Variants in NECTIN2 observed in about 807,000 individuals in gnomAD.
NECTIN2 encodes the protein nectin-2.
In NECTIN2, 23 loss-of-function variants were observed where a neutral mutation model predicts 56.9. That is an observed-to-expected ratio of 0.40 (90% CI 0.29 to 0.57). The LOEUF is 0.57. Ranked by LOEUF, NECTIN2 falls within the 20% of genes least tolerant of loss-of-function variation. The probability of loss-of-function intolerance (pLI) is 0.38; values close to 1 mark genes in which losing one functional copy is unlikely to be tolerated. For missense variants in NECTIN2, 587 were observed against 718.3 expected, an observed-to-expected ratio of 0.82 and a Z score of 2.09; for synonymous variants, 302 against 313.8, an observed-to-expected ratio of 0.96 and a Z score of 0.40.
intron 5 of NECTIN2, among the ~76,000 whole-genome samples, chr19:44,877,177 A>G (rs138251530): frequency 1.4e-3 from 207 of 152,304 alleles, no homozygotes; most frequent in African/African-American, 4.8e-3. Context: ...TGAAAACAAC[A>G]GAAACAGATG....
chr19:44,881,276 G>C (rs988041697), intron 5 of NECTIN2, among the ~76,000 whole-genome samples: 2 of 152,044 alleles, frequency 1.3e-5, no homozygotes, highest in Non-Finnish European at 2.9e-5. Context: ...CCAGAATTCT[G>C]TCCCCGCATT....
intron 5 of NECTIN2, chr19:44,878,748 C>T: frequency 6.9e-7 from 1 of 1,452,178 alleles, no homozygotes. Context: ...CTGCCTCCCA[C>T]TTTCTTGGGA....
rs886393983 is a variant in NECTIN2, at chr19:44,874,754, C to T, written c.1042+276C>T. The T allele has an allele frequency of 1.0e-5, 4 of 398,574 alleles. No individual in the cohort carries two copies. The highest frequency in any genetic ancestry group is 1.9e-5 in the Non-Finnish European group (4 of 212,254). The allele number at this position is 398,574 out of a possible 1,614,324, so 24.7% of individuals were successfully genotyped here. ...AGTAGAGGCCTGGGTAGGGTCCTCA[C>T]GAATAGACCCGAGGAAGCTGCCCTG... On this transcript the variant is annotated intron_variant, in intron 5 of 8. Transcript: ENST00000252483. This position sits in a 1 kb window ranked among gnomAD's most constrained non-coding sequence, Gnocchi z 6.3.
rs1360142729 is a variant in NECTIN2 at position 44,886,138 on chromosome 19, C to T, written c.1266C>T (p.Ser422=). ...KAKLEAQEMP[S]QLFTLGASEH... ...CCGCCCCTCTCCCACTACAGCCCTC[C>T]CAGCTCTTCACTCTGGGGGCCTCGG... Residue 422 remains serine, a synonymous_variant, in exon 8 of 9, where the codon TCC becomes TCT. Coordinates refer to ENST00000252483, the MANE Select transcript of NECTIN2 (RefSeq NM_001042724.2). 2 of 1,612,752 alleles carry T rather than the reference C, an allele frequency of 1.2e-6. No homozygotes were observed. Among genetic ancestry groups the T allele is most frequent in the African/African-American group, 1.3e-5 (1 of 74,898 alleles).
In NECTIN2 at chr19:44,874,811, G is replaced by A. The variant is rs1969218694; in HGVS notation, c.1042+333G>A. The stretch of plus-strand genomic sequence containing the variant: ...AGCTCCTGAGAAAGACGCACACCTA[G>A]AGTCAGGCATGCAAACTTCAAAGAG... On this transcript the variant is annotated intron_variant, in intron 5 of 8. Transcript: ENST00000252483. This position sits in a 1 kb window ranked among gnomAD's most constrained non-coding sequence, Gnocchi z 6.3. 1 of 248,962 alleles carries A rather than the reference G, an allele frequency of 4.0e-6. No homozygotes were observed. The highest frequency in any genetic ancestry group is 8.1e-6 in the Non-Finnish European group (1 of 123,946). The allele number at this position is 248,962 out of a possible 1,614,324, so 15.4% of individuals were successfully genotyped here.
chr19:44,883,284 T>G (rs1047112592), intron 6 of NECTIN2, among the ~76,000 whole-genome samples: 137 of 152,130 alleles, frequency 9.0e-4, no homozygotes, highest in Admixed American at 1.5e-3. Flanking sequence ...TTTGTTTTTG[T>G]TTTTGTTTAA....
At chr19:44,883,431 C>G (rs140864055) in intron 6 of NECTIN2, among the ~76,000 whole-genome samples, 1 of 152,100 alleles carries the variant, frequency 6.6e-6, no homozygotes, top group African/African-American at 2.4e-5. Flanking sequence ...CGCGCCACCA[C>G]GCCCGGCTAA....
rs183569333 is a variant in NECTIN2, at chr19:44,876,984, C to T, written c.1042+2506C>T. On this transcript the variant is annotated intron_variant, in intron 5 of 8. Transcript: ENST00000252483. ...AGAGACAAGCCTCCCAAGATAGGCT[C>T]AACCTGGTCCAGTTAGTGACCAGCA... is the stretch of plus-strand genomic sequence containing the variant. 2.7e-3 allele frequency among the ~76,000 whole-genome samples: 413 copies of T among 152,282 alleles called. 3 individuals are homozygous for T. The highest frequency in any genetic ancestry group is 4.8e-3 in the Non-Finnish European group (327 of 68,018).
At chr19:44,877,329 T>C (rs1409991434) in intron 5 of NECTIN2, among the ~76,000 whole-genome samples, 1 of 152,118 alleles carries the variant, frequency 6.6e-6, no homozygotes, top group Non-Finnish European at 1.5e-5. Flanking sequence ...TCTGGTTACA[T>C]TGACTTCTGT....
chr19:44,884,423 C>T (rs968768225), intron 6 of NECTIN2, among the ~76,000 whole-genome samples: 6 of 151,956 alleles, frequency 3.9e-5, no homozygotes, highest in Non-Finnish European at 8.8e-5. Context: ...CCAAAGTGCT[C>T]GGATTACAGG....
chr19:44,885,638 A>C (rs896624576), intron 6 of NECTIN2, among the ~76,000 whole-genome samples: 3 of 151,968 alleles, frequency 2.0e-5, no homozygotes, highest in African/African-American at 7.2e-5. Flanking sequence ...TCCCTCCCAG[A>C]GCTCACAGTG....
At chr19:44,883,267 A>C (rs759561159) in intron 6 of NECTIN2, among the ~76,000 whole-genome samples, 2 of 152,062 alleles carry the variant, frequency 1.3e-5, no homozygotes, top group Non-Finnish European at 2.9e-5. Flanking sequence ...TAATCCCAGC[A>C]CTTTGTTTTG....
chr19:44,846,462 C>A lies in NECTIN2; in HGVS notation c.-64C>A. The A allele has an allele frequency of 7.2e-7, 1 of 1,396,726 alleles. No individual in the cohort carries two copies. The highest frequency in any genetic ancestry group is 9.2e-7 in the Non-Finnish European group (1 of 1,084,818). The allele number at this position is 1,396,726 out of a possible 1,614,324, so 86.5% of individuals were successfully genotyped here. A position where few individuals can be genotyped will look rare whatever the true frequency, so the allele number is the denominator to read the frequency against. On this transcript the variant is annotated 5_prime_UTR_variant, in exon 1 of 9. Transcript: ENST00000252483. ...ACAGGCACCTACTAAACCGCCCAGC[C>A]GATCGGCCCCCACAGAGTGGCCCGC...
At chr19:44,853,129 A>T (rs1455549976) in intron 1 of NECTIN2, among the ~76,000 whole-genome samples, 1 of 151,582 alleles carries the variant, frequency 6.6e-6, no homozygotes, top group Non-Finnish European at 1.5e-5. Context: ...AGGAATGTTA[A>T]CCCCACAGGG....
chr19:44,869,686 A>C (rs973630597), intron 2 of NECTIN2, among the ~76,000 whole-genome samples: 1 of 152,006 alleles, frequency 6.6e-6, no homozygotes, highest in African/African-American at 2.4e-5. Flanking sequence ...CATAGATTGA[A>C]GTTGCCCTGA....
intron 5 of NECTIN2, among the ~76,000 whole-genome samples, chr19:44,881,385 CT>C (rs1969305908): frequency 6.6e-6 from 1 of 152,084 alleles, no homozygotes; most frequent in South Asian, 2.1e-4. Flanking sequence ...ACTTGCTGTT[CT>C]TTAAAAACAA....
At chr19:44,853,653 TA>T (rs1968928918) in intron 1 of NECTIN2, among the ~76,000 whole-genome samples, 1 of 151,654 alleles carries the variant, frequency 6.6e-6, no homozygotes, top group Non-Finnish European at 1.5e-5. Flanking sequence ...CACGCCCGGC[TA>T]ATTTTTGTAT....
intron 8 of NECTIN2, among the ~76,000 whole-genome samples, chr19:44,886,519 G>A (rs142934707): frequency 0.016 from 2,417 of 151,988 alleles, 83 homozygotes; most frequent in Admixed American, 0.092. Flanking sequence ...TCAGGAGTTC[G>A]AGACCAGCCT....
chr19:44,888,429 T>C lies in NECTIN2; in HGVS notation c.*50T>C. Reference sequence around the variant, plus strand: ...ATCTCACCTGTTGATCCCTTAGCTTTCTTGCCAAGGATCTAGTGCCCCCTG... The same window carrying C: ...ATCTCACCTGTTGATCCCTTAGCTTCCTTGCCAAGGATCTAGTGCCCCCTG... On this transcript the variant is annotated 3_prime_UTR_variant, in exon 9 of 9. Transcript: ENST00000252483. 1 of 1,570,550 alleles carries C rather than the reference T, an allele frequency of 6.4e-7. No individual in the cohort carries two copies.
Sources: gnomAD v4.1 joint callset for allele counts (sites outside exome capture counted in the v4.1 genomes callset) on GRCh38, gnomAD v4.1.1 for gene constraint, Gnocchi (gnomAD v3.1) non-coding constraint, MANE v1.5 for transcripts, NCBI Gene and HGNC (gene_info 2026-07-23, HGNC 2026-07-21) for gene names.